The following ELMO1 variants were observed in gnomAD, a reference collection of about 807,000 sequenced individuals.
ELMO1 encodes the protein engulfment and cell motility protein 1.
A neutral mutation model predicts 98.9 loss-of-function variants in ELMO1; 26 were observed. That is an observed-to-expected ratio of 0.26 (90% CI 0.19 to 0.36). The LOEUF (loss-of-function observed/expected upper bound fraction) is 0.36, where lower values mean the gene tolerates loss of function less well. Among genes scored for constraint, ELMO1 ranks in the 10% least tolerant of loss-of-function variants. The pLI, the probability that ELMO1 is intolerant of heterozygous loss-of-function variation, is 1.00. For missense variants in ELMO1, 627 were observed against 935.2 expected, an observed-to-expected ratio of 0.67 and a Z score of 4.30; for synonymous variants, 346 against 346.0, an observed-to-expected ratio of 1.00 and a Z score of 0.00.
chr7:37,408,262 C>A (rs1469467656), intron 1 of ELMO1, among the ~76,000 whole-genome samples: 3 of 152,188 alleles, frequency 2.0e-5, no homozygotes, highest in South Asian at 2.1e-4. Context: ...AATAGATATA[C>A]ATAATGAAGT....
intron 1 of ELMO1, among the ~76,000 whole-genome samples, chr7:37,379,417 T>C (rs1216062402): frequency 6.6e-6 from 1 of 152,192 alleles, no homozygotes; most frequent in Non-Finnish European, 1.5e-5. Flanking sequence ...GACTACCTCA[T>C]TCTCCACCTG....
chr7:36,864,596 G>A (rs768331310), intron 20 of ELMO1, among the ~76,000 whole-genome samples: 3 of 152,190 alleles, frequency 2.0e-5, no homozygotes, highest in African/African-American at 7.2e-5. Context: ...AGGCTGCAGA[G>A]CCAGGAGCAA....
In ELMO1 at chr7:37,213,428, G is replaced by A; in HGVS notation, c.861C>T (p.Asn287=). 1 of 1,612,318 alleles carries A rather than the reference G, an allele frequency of 6.2e-7. No individual in the cohort carries two copies. Residue 287 remains asparagine (N), a synonymous_variant, in exon 12 of 22, where the codon AAC becomes AAT. Coordinates refer to ENST00000310758, the MANE Select transcript of ELMO1 (RefSeq NM_014800.11). The stretch of plus-strand genomic sequence containing the variant: ...CATACAGCTGGTGCGCCATCTCATT[G>A]TTGATGGCCCGCTGGGCTCGGATGA... ...THVIRAQRAI[N]NEMAHQLYVL...
At position 36,894,954 on chromosome 7, in the gene ELMO1, G is replaced by A. The variant is rs1805874033; in HGVS notation, c.1501C>T (p.Gln501Ter). 6.2e-7 allele frequency: 1 copy of A among 1,613,968 alleles called. No individual in the cohort carries two copies. Among genetic ancestry groups the A allele is most frequent in the Non-Finnish European group, 8.5e-7 (1 of 1,180,006 alleles). Reference protein sequence around the residue: ...ALTTKPSSLDQFKSKLQNLSY... With the variant: ...ALTTKPSSLD ...AGGTTCTGCAGTTTGCTCTTGAACT[G>A]GTCCAGGGAGCTAGGCTTGGTTGTA... Residue 501 changes from glutamine to a stop codon, truncating the protein, a stop_gained, in exon 17 of 22, where the codon CAG becomes TAG. Transcript: ENST00000310758. LOFTEE classifies it high-confidence loss of function.
chr7:37,173,739 G>T (rs1177261084), intron 13 of ELMO1, among the ~76,000 whole-genome samples: 4 of 152,190 alleles, frequency 2.6e-5, no homozygotes, highest in African/African-American at 4.8e-5. Context: ...GAAGAGAAAA[G>T]AAATATTTTC....
intron 1 of ELMO1, among the ~76,000 whole-genome samples, chr7:37,440,468 AAAAG>A (rs1805363920): frequency 6.6e-6 from 1 of 151,016 alleles, no homozygotes; most frequent in Admixed American, 6.6e-5. Context: ...AAAGAAAAGA[AAAAG>A]AAAGAAAAAA....
rs56315543 is a variant in ELMO1 at position 37,391,006 on chromosome 7, CCCTTCCTTCCTTCCTTCCTTCCTTCCTT to C, written c.-73-48271_-73-48244del. On this transcript the variant is annotated intron_variant, in intron 1 of 21. Coordinates refer to ENST00000310758, the MANE Select transcript of ELMO1 (RefSeq NM_014800.11). ...ATCAGGTATATTCTGGGAAAGTAGTCCCTTCCTTCCTTCCTTCCTTCCTTCCTTCCTTCCTTCCTTCCTTCCTTCCTTC... is the reference window on the plus strand; with the variant it reads ...ATCAGGTATATTCTGGGAAAGTAGTCCCTTCCTTCCTTCCTTCCTTCCTTC... Among the ~76,000 whole-genome samples, 8 of 130,154 alleles carry C rather than the reference CCCTTCCTTCCTTCCTTCCTTCCTTCCTT, an allele frequency of 6.1e-5. No homozygotes were observed. The South Asian group carries it at 1.4e-3, about 22-fold the overall frequency. The allele number at this position is 130,154 out of a possible 152,430, so 85.4% of individuals were successfully genotyped here.
intron 15 of ELMO1, among the ~76,000 whole-genome samples, chr7:37,090,935 C>T (rs766274786): frequency 2.0e-5 from 3 of 152,020 alleles, no homozygotes; most frequent in Admixed American, 6.5e-5. Context: ...CATAGAGGTG[C>T]CCTACAGTTA....
intron 16 of ELMO1, among the ~76,000 whole-genome samples, chr7:36,993,137 A>G (rs1426684308): frequency 2.0e-5 from 3 of 152,140 alleles, no homozygotes; most frequent in Non-Finnish European, 4.4e-5. Context: ...CAGGGAGGTC[A>G]TGTTCTGAAG....
chr7:36,972,884 G>A (rs777272001), intron 16 of ELMO1, among the ~76,000 whole-genome samples: 19 of 152,204 alleles, frequency 1.2e-4, no homozygotes, highest in Non-Finnish European at 1.9e-4. Flanking sequence ...AGTTTCAAGC[G>A]ATTCTCCTGC....
At chr7:37,417,877 C>T (rs1162198036) in intron 1 of ELMO1, among the ~76,000 whole-genome samples, 1 of 152,100 alleles carries the variant, frequency 6.6e-6, no homozygotes, top group East Asian at 1.9e-4. Flanking sequence ...CAAAAACAGA[C>T]ACACAAGAAG....
chr7:37,364,256 T>G (rs1422989963), intron 1 of ELMO1, among the ~76,000 whole-genome samples: 1 of 152,338 alleles, frequency 6.6e-6, no homozygotes, highest in East Asian at 1.9e-4. Flanking sequence ...TAATATAAAA[T>G]GAGACTCCAG....
chr7:37,145,435 G>A (rs1584716131), intron 13 of ELMO1, among the ~76,000 whole-genome samples: 1 of 152,166 alleles, frequency 6.6e-6, no homozygotes, highest in East Asian at 1.9e-4. Context: ...CCTTTATTCA[G>A]AAACAGGAAT....
In ELMO1 at chr7:37,213,457, G is replaced by T. The variant is rs756664630; in HGVS notation, c.832C>A (p.His278Asn). 8 of 1,609,832 alleles carry T rather than the reference G, an allele frequency of 5.0e-6. No homozygotes were observed. Among genetic ancestry groups the T allele is most frequent in the Middle Eastern group, 2.1e-4 (1 of 4,836 alleles). ...ATGGCCCGCTGGGCTCGGATGACATGCTAGGGAGATGGTTCACAAATGAAA... is the reference window on the plus strand; with the variant it reads ...ATGGCCCGCTGGGCTCGGATGACATTCTAGGGAGATGGTTCACAAATGAAA... ...QKQLRSIILTHVIRAQRAINN... is the reference protein window; with the variant it reads ...QKQLRSIILTNVIRAQRAINN... Residue 278 changes from histidine to asparagine, a missense_variant and splice_region_variant, in exon 12 of 22, where the codon CAT becomes AAT. His to Asn is a moderately conservative substitution (Grantham distance 68). Transcript: ENST00000310758.
intron 6 of ELMO1, among the ~76,000 whole-genome samples, chr7:37,258,440 T>C (rs1247054380): frequency 1.3e-5 from 2 of 149,222 alleles, no homozygotes; most frequent in Non-Finnish European, 3.0e-5. Flanking sequence ...CCATCTCAAA[T>C]AAAAAAAAAT....
chr7:37,251,443 G>A, intron 6 of ELMO1, among the ~76,000 whole-genome samples: 1 of 152,164 alleles, frequency 6.6e-6, no homozygotes, highest in Admixed American at 6.5e-5. Context: ...CTGTTCCTCT[G>A]TTACTGACTT....
At chr7:36,865,435 C>T (rs1357252691) in intron 20 of ELMO1, among the ~76,000 whole-genome samples, 2 of 152,196 alleles carry the variant, frequency 1.3e-5, no homozygotes, top group Non-Finnish European at 1.5e-5. Flanking sequence ...TTACCTTCTT[C>T]AGGCAGTTAC....
chr7:37,263,940 C>G (rs1796113324), intron 5 of ELMO1, among the ~76,000 whole-genome samples: 1 of 152,182 alleles, frequency 6.6e-6, no homozygotes, highest in Non-Finnish European at 1.5e-5. Context: ...ACATTTGGAG[C>G]CCTTAAAACA....
At chr7:36,871,696 A>G (rs1409770373) in intron 19 of ELMO1, among the ~76,000 whole-genome samples, 2 of 152,234 alleles carry the variant, frequency 1.3e-5, no homozygotes, top group African/African-American at 4.8e-5. Flanking sequence ...GATAAGGATA[A>G]AATTACAGAA....
Sources: gnomAD v4.1 joint callset for allele counts (sites outside exome capture counted in the v4.1 genomes callset) on GRCh38, gnomAD v4.1.1 for gene constraint, MANE v1.5 for transcripts, NCBI Gene and HGNC (gene_info 2026-07-23, HGNC 2026-07-21) for gene names.